The following ITPR2 variants were observed in gnomAD, a reference collection of about 807,000 sequenced individuals.
ITPR2 encodes inositol 1,4,5-trisphosphate receptor type 2, also known as inositol 1,4,5-trisphosphate-gated calcium channel ITPR2.
ITPR2 carries 207 observed loss-of-function variants against 317.1 expected under a neutral mutation model. The ratio of observed to expected loss-of-function variants is 0.65; its 90% CI spans 0.58 to 0.73. The LOEUF (loss-of-function observed/expected upper bound fraction) is 0.73. ITPR2 is among the 30% of genes least tolerant of loss of function. The probability of loss-of-function intolerance (pLI) is 0.00; values close to 1 mark genes in which losing one functional copy is unlikely to be tolerated. For missense variants in ITPR2, 2,613 were observed against 3,284.0 expected (o/e 0.80, Z 4.99); for synonymous variants, 1,156 against 1,149.1 (o/e 1.01, Z -0.12).
intron 55 of ITPR2, among the ~76,000 whole-genome samples, chr12:26,373,382 T>C (rs1392871293): frequency 6.6e-6 from 1 of 152,178 alleles, no homozygotes; most frequent in Non-Finnish European, 1.5e-5. Context: ...GGCCTTTATA[T>C]CACAACCTGT....
In ITPR2 at chr12:26,495,151, C is replaced by A; in HGVS notation, c.5182+1G>T. 2 of 1,493,630 alleles carry A rather than the reference C, an allele frequency of 1.3e-6. No homozygotes were observed. Among genetic ancestry groups the A allele is most frequent in the South Asian group, 1.1e-5 (1 of 88,906 alleles). The allele number at this position is 1,493,630 out of a possible 1,614,324, so 92.5% of individuals were successfully genotyped here. A position where few individuals can be genotyped will look rare whatever the true frequency, so the allele number is the denominator to read the frequency against. On this transcript the variant is annotated splice_donor_variant, in intron 38 of 56. Transcript: ENST00000381340. LOFTEE classifies it high-confidence loss of function. Reference sequence around the variant, plus strand: ...ATGAGAAAACAAATGACAGGACTTACCTCCCACCTGTGCAGTTTTGGAGTA... The same window carrying A: ...ATGAGAAAACAAATGACAGGACTTAACTCCCACCTGTGCAGTTTTGGAGTA...
chr12:26,657,723 C>G lies in ITPR2; in HGVS notation c.2176G>C (p.Val726Leu). 6.2e-7 allele frequency: 1 copy of G among 1,614,038 alleles called. No individual in the cohort carries two copies. Among genetic ancestry groups the G allele is most frequent in the East Asian group, 2.2e-5 (1 of 44,876 alleles). The change falls in exon 18 of 57, where the codon GTT becomes CTT. Residue 726 changes from valine (V) to leucine (L), a missense_variant. Physicochemically the swap from Val to Leu is conservative, Grantham distance 32. Transcript: ENST00000381340. ...ATACTTAACCTGTAATAGGTAAGAA[C>G]TTCTAAGTCAGCTTTGGTGCCTTCT... Reference protein sequence around the residue: ...AKEGTKADLEVLTYYRYQLNL... With the variant: ...AKEGTKADLELLTYYRYQLNL...
chr12:26,568,023 T>TA (rs1945058667), intron 34 of ITPR2, among the ~76,000 whole-genome samples: 1 of 120,034 alleles, frequency 8.3e-6, no homozygotes, highest in Admixed American at 9.7e-5. Flanking sequence ...TATATATATA[T>TA]ATATATATAA....
intron 37 of ITPR2, among the ~76,000 whole-genome samples, chr12:26,508,512 T>C (rs180977835): frequency 1.3e-5 from 2 of 152,266 alleles, no homozygotes; most frequent in East Asian, 3.9e-4. Flanking sequence ...GGCCCCTACA[T>C]TAAAATTAGT....
chr12:26,619,726 G>A (rs1030175506), intron 26 of ITPR2, among the ~76,000 whole-genome samples: 1 of 152,126 alleles, frequency 6.6e-6, no homozygotes, highest in Non-Finnish European at 1.5e-5. Context: ...TAAAGCTGGA[G>A]TCTTACTTCT....
At chr12:26,609,141 A>G (rs1186650358) in intron 26 of ITPR2, among the ~76,000 whole-genome samples, 1 of 152,230 alleles carries the variant, frequency 6.6e-6, no homozygotes, top group Non-Finnish European at 1.5e-5. Context: ...ACTGCCTTTT[A>G]CACTCACTTG....
At chr12:26,662,524 G>A (rs1947525395) in intron 15 of ITPR2, among the ~76,000 whole-genome samples, 1 of 152,040 alleles carries the variant, frequency 6.6e-6, no homozygotes, top group Non-Finnish European at 1.5e-5. Context: ...CTTCTTCATG[G>A]ACCAAACTCA....
intron 47 of ITPR2, 120 bp from the exon 48 acceptor site, chr12:26,436,466 T>A: frequency 1.2e-6 from 1 of 820,308 alleles, no homozygotes; most frequent in Non-Finnish European, 1.8e-6. Context: ...TATAAAAACC[T>A]ATTTAAATAA....
chr12:26,763,460 A>G (rs1015733636), intron 2 of ITPR2, among the ~76,000 whole-genome samples: 16 of 152,158 alleles, frequency 1.1e-4, no homozygotes, highest in African/African-American at 3.9e-4. Flanking sequence ...TAATTTAGGG[A>G]TACATACACA....
At chr12:26,365,158 A>G (rs1156302238) in intron 55 of ITPR2, among the ~76,000 whole-genome samples, 1 of 152,212 alleles carries the variant, frequency 6.6e-6, no homozygotes, top group Non-Finnish European at 1.5e-5. Flanking sequence ...GTTAAACTGG[A>G]AACTCTAGGC....
Position 26,645,821 on chromosome 12 carries a change from C to T in ITPR2, c.2740+8155G>A, listed in dbSNP as rs186728781. Among the ~76,000 whole-genome samples, 7 of 152,266 alleles carry T rather than the reference C, an allele frequency of 4.6e-5. No homozygotes were observed. The East Asian group carries it at 9.6e-4, about 21-fold the overall frequency. ...ACACTGGGAAGAGTCTGTAATAGGA[C>T]ACTAGCTTGTACGTATGTGTTCTTT... On this transcript the variant is annotated intron_variant, in intron 21 of 56. Transcript: ENST00000381340.
rs144144589 is a variant in ITPR2, at chr12:26,350,236, A to C, written c.7858-9908T>G. Among the ~76,000 whole-genome samples the C allele has an allele frequency of 6.6e-5, 10 of 152,308 alleles. No individual in the cohort carries two copies. The East Asian group carries it at 1.7e-3, about 26-fold the overall frequency. On this transcript the variant is annotated intron_variant, in intron 55 of 56. Transcript: ENST00000381340. ...AAAGGATCAAAATAGTTCAACCAAC[A>C]TTTCAAAAAATGCTAAAAGGTGTCA...
chr12:26,434,878 C>T (rs934085473), intron 48 of ITPR2, among the ~76,000 whole-genome samples: 2 of 152,126 alleles, frequency 1.3e-5, no homozygotes, highest in Admixed American at 6.6e-5. Flanking sequence ...TTCTTTCCTC[C>T]CAAGAGTTAT....
chr12:26,720,099 G>C (rs1220713804), intron 5 of ITPR2, among the ~76,000 whole-genome samples: 1 of 152,090 alleles, frequency 6.6e-6, no homozygotes, highest in Admixed American at 6.6e-5. Context: ...AAAGTACAGG[G>C]ATCCATGAGT....
chr12:26,832,146 C>T lies in ITPR2; in HGVS notation c.92+544G>A, dbSNP rs576282389. On this transcript the variant is annotated intron_variant, in intron 1 of 56. Coordinates refer to ENST00000381340, the MANE Select transcript of ITPR2 (RefSeq NM_002223.4). ...GGGGCGAGTCCTGGTTCGGCAAGGC[C>T]AAAAGGAAACTGCTCCAGCGAAGAG... 1.1e-3 allele frequency among the ~76,000 whole-genome samples: 164 copies of T among 152,148 alleles called. 1 individual carries two copies. The highest frequency in any genetic ancestry group is 2.8e-3 in the African/African-American group (116 of 41,502).
At chr12:26,799,609 G>T (rs1001299695) in intron 1 of ITPR2, among the ~76,000 whole-genome samples, 3 of 152,202 alleles carry the variant, frequency 2.0e-5, no homozygotes, top group African/African-American at 7.2e-5. Flanking sequence ...AAAGCTTACA[G>T]TCCTAATCCA....
At position 26,725,630 on chromosome 12, in the gene ITPR2, A is replaced by G; in HGVS notation, c.279+20T>C. 7 of 1,541,816 alleles carry G rather than the reference A, an allele frequency of 4.5e-6. No individual in the cohort carries two copies. The highest frequency in any genetic ancestry group is 6.3e-6 in the Non-Finnish European group (7 of 1,115,034). On this transcript the variant is annotated intron_variant, in intron 3 of 56. Coordinates refer to ENST00000381340, the MANE Select transcript of ITPR2 (RefSeq NM_002223.4). Reference sequence around the variant, plus strand: ...GTACTTGGTTAGCCTAAGCCAGACAATTGGAATCCTGGTCCTTACCTGTAG... The same window carrying G: ...GTACTTGGTTAGCCTAAGCCAGACAGTTGGAATCCTGGTCCTTACCTGTAG...
At chr12:26,587,892 G>A (rs80094220) in intron 32 of ITPR2, among the ~76,000 whole-genome samples, 4,664 of 152,280 alleles carry the variant, frequency 0.031, 104 homozygotes, top group Middle Eastern at 0.12. Context: ...TTGGGGTAGC[G>A]TAGTTGTGAT....
chr12:26,364,981 C>T (rs1938960689), intron 55 of ITPR2, among the ~76,000 whole-genome samples: 1 of 152,206 alleles, frequency 6.6e-6, no homozygotes, highest in African/African-American at 2.4e-5. Flanking sequence ...AACCCAATAT[C>T]ACTGCGTTCT....
Sources: gnomAD v4.1 joint callset for allele counts (sites outside exome capture counted in the v4.1 genomes callset) on GRCh38, gnomAD v4.1.1 for gene constraint, MANE v1.5 for transcripts, NCBI Gene and HGNC (gene_info 2026-07-23, HGNC 2026-07-21) for gene names.